Variants in TINAG observed in about 807,000 individuals in gnomAD.
TINAG encodes tubulointerstitial nephritis antigen.
TINAG carries 83 observed loss-of-function variants against 72.7 expected under a neutral mutation model. That is an observed-to-expected ratio of 1.14 (90% CI 0.96 to 1.37). TINAG has a LOEUF of 1.37. Ranked by LOEUF, TINAG falls within the 40% of genes most tolerant of loss-of-function variation. The probability of loss-of-function intolerance (pLI) is 0.00; values close to 1 mark genes in which losing one functional copy is unlikely to be tolerated. For synonymous variants in TINAG, 234 were observed against 189.9 expected (o/e 1.23, Z -1.91); for missense variants, 685 against 576.6 (o/e 1.19, Z -1.93).
At chr6:54,317,130 C>G (rs760417539) in intron 1 of TINAG, among the ~76,000 whole-genome samples, 9 of 152,116 alleles carry the variant, frequency 5.9e-5, no homozygotes, top group Non-Finnish European at 1.3e-4. Context: ...TTCAACCTAC[C>G]TCCATCTGGG....
At chr6:54,308,244 T>A, upstream of TINAG, 1 of 840,742 alleles carries the variant, frequency 1.2e-6, no homozygotes, top group South Asian at 1.7e-5. Flanking sequence ...ATAGTCAATG[T>A]ATCTCTATGC....
At chr6:54,349,669 G>C in intron 6 of TINAG, 47 bp from the exon 7 acceptor site, 2 of 1,413,210 alleles carry the variant, frequency 1.4e-6, no homozygotes, top group Admixed American at 2.3e-5. Flanking sequence ...AGGATATTAC[G>C]ACATTCTCCT....
intron 8 of TINAG, 44 bp downstream of exon 8, chr6:54,351,441 A>G: frequency 2.6e-6 from 4 of 1,565,064 alleles, no homozygotes; most frequent in Non-Finnish European, 3.5e-6. Flanking sequence ...CATTCCTTTA[A>G]TAAACAACAT....
At chr6:54,313,496 A>G (rs766251638) in intron 1 of TINAG, among the ~76,000 whole-genome samples, 11 of 152,170 alleles carry the variant, frequency 7.2e-5, no homozygotes, top group Non-Finnish European at 1.3e-4. Flanking sequence ...TTTATTGAAT[A>G]CTTACTATGG....
intron 6 of TINAG, 95 bp downstream of exon 6, chr6:54,347,612 A>T (rs1311123691): frequency 7.7e-7 from 1 of 1,296,702 alleles, no homozygotes; most frequent in Non-Finnish European, 1.1e-6. Flanking sequence ...ACAAAAAAGT[A>T]CTTAAAAATA....
intron 1 of TINAG, among the ~76,000 whole-genome samples, chr6:54,317,460 A>G (rs1431629154): frequency 1.3e-5 from 2 of 152,078 alleles, no homozygotes; most frequent in Non-Finnish European, 2.9e-5. Flanking sequence ...ATGGTTTTAT[A>G]AATGGGAGTT....
chr6:54,352,369 G>A (rs992211698), intron 8 of TINAG, among the ~76,000 whole-genome samples: 2 of 151,710 alleles, frequency 1.3e-5, no homozygotes, highest in African/African-American at 4.8e-5. Flanking sequence ...TCACCACTTA[G>A]CATTTATTGA....
chr6:54,347,466 G>T lies in TINAG; in HGVS notation c.848G>T (p.Gly283Val). Residue 283 changes from glycine to valine, a missense_variant, in exon 6 of 11, where the codon GGA (glycine) becomes GTA (valine). Transcript: ENST00000259782. ...LISCCAKNRH[G>V]CNSGSIDRAW... ...TCTTGCTGTGCCAAGAACCGTCATG[G>T]ATGCAATAGTGGAAGCATCGATAGG... 2 of 1,613,244 alleles carry T rather than the reference G, an allele frequency of 1.2e-6. No individual in the cohort carries two copies. The highest frequency in any genetic ancestry group is 1.7e-6 in the Non-Finnish European group (2 of 1,179,528).
At chr6:54,308,200 G>T, upstream of TINAG, 1 of 1,349,988 alleles carries the variant, frequency 7.4e-7, no homozygotes, top group Non-Finnish European at 1.0e-6. Flanking sequence ...GGAGGCTTTC[G>T]ATTTAAGAAC....
chr6:54,308,403 G>C (rs537897891), upstream of TINAG: 1,044 of 666,286 alleles, frequency 1.6e-3, 3 homozygotes, highest in Middle Eastern at 9.0e-3. Context: ...GTTTAACTAT[G>C]AGAAGTATAC....
chr6:54,337,721 A>G (rs1203528847), intron 4 of TINAG, among the ~76,000 whole-genome samples: 1 of 152,212 alleles, frequency 6.6e-6, no homozygotes, highest in East Asian at 1.9e-4. Context: ...ATATTGAGCA[A>G]TAACGACCAT....
At chr6:54,339,746 T>G (rs1023730114) in intron 4 of TINAG, among the ~76,000 whole-genome samples, 1 of 152,206 alleles carries the variant, frequency 6.6e-6, no homozygotes, top group Non-Finnish European at 1.5e-5. Flanking sequence ...ATTAGCCTTT[T>G]CATCCCCAGT....
chr6:54,376,618 G>A (rs1007932596), intron 9 of TINAG, among the ~76,000 whole-genome samples: 2 of 151,994 alleles, frequency 1.3e-5, no homozygotes, highest in Non-Finnish European at 2.9e-5. Flanking sequence ...ACTTAAAATA[G>A]GGCTTAGAAA....
At chr6:54,364,033 G>A (rs1215518236) in intron 9 of TINAG, among the ~76,000 whole-genome samples, 1 of 151,446 alleles carries the variant, frequency 6.6e-6, no homozygotes, top group Admixed American at 6.6e-5. Context: ...TTTATCTTTA[G>A]GAGCTAGAAG....
intron 2 of TINAG, among the ~76,000 whole-genome samples, chr6:54,320,874 TCTTCATCATACA>T: frequency 6.6e-6 from 1 of 152,186 alleles, no homozygotes; most frequent in Non-Finnish European, 1.5e-5. Flanking sequence ...TGACAATGGG[TCTTCATCATACA>T]ACAGGTCTTC....
At chr6:54,318,045 C>A (rs1227830157) in intron 1 of TINAG, among the ~76,000 whole-genome samples, 1 of 151,978 alleles carries the variant, frequency 6.6e-6, no homozygotes, top group Admixed American at 6.6e-5. Flanking sequence ...TGTTCCCTCA[C>A]AGGCCACTCC....
intron 10 of TINAG, among the ~76,000 whole-genome samples, chr6:54,386,556 C>CA (rs1764105035): frequency 6.6e-6 from 1 of 152,112 alleles, no homozygotes; most frequent in Admixed American, 6.6e-5. Flanking sequence ...CTCCCTCACA[C>CA]AGAGTTTTAC....
intron 9 of TINAG, among the ~76,000 whole-genome samples, chr6:54,355,285 T>C (rs776340824): frequency 6.6e-6 from 1 of 151,924 alleles, no homozygotes; most frequent in African/African-American, 2.4e-5. Flanking sequence ...CTAGTTCAAA[T>C]GAAATGCTAC....
At chr6:54,327,863 G>A (rs1235235751) in intron 4 of TINAG, among the ~76,000 whole-genome samples, 1 of 152,142 alleles carries the variant, frequency 6.6e-6, no homozygotes, top group South Asian at 2.1e-4. Context: ...AGTTCAGACT[G>A]GGTGGAGCTC....
Sources: allele counts gnomAD v4.1 joint callset (sites outside exome capture counted in the v4.1 genomes callset), GRCh38; gene constraint gnomAD v4.1.1; transcripts MANE v1.5; gene names NCBI Gene and HGNC (gene_info 2026-07-23, HGNC 2026-07-21).